AVL9: variants seen among roughly 807,000 people sequenced by gnomAD.
The protein encoded by AVL9 is AVL9 cell migration associated, also known as late secretory pathway protein AVL9 homolog.
In AVL9, 49 loss-of-function variants were observed where a neutral mutation model predicts 79.2. That is an observed-to-expected ratio of 0.62 (90% CI 0.49 to 0.79). The LOEUF is 0.79. Among genes scored for constraint, AVL9 ranks in the 30% least tolerant of loss-of-function variants. The pLI is 0.00. For missense variants in AVL9, 682 were observed against 776.8 expected (o/e 0.88, Z 1.45); for synonymous variants, 299 against 280.6 (o/e 1.07, Z -0.65).
intron 4 of AVL9, among the ~76,000 whole-genome samples, chr7:32,549,772 T>C (rs565161298): frequency 3.9e-4 from 58 of 150,164 alleles, no homozygotes; most frequent in African/African-American, 1.4e-3. Context: ...AAAAAAAAAT[T>C]AGCCAGGCAC....
At chr7:32,550,575 A>AT (rs1474290866) in intron 4 of AVL9, among the ~76,000 whole-genome samples, 1 of 152,192 alleles carries the variant, frequency 6.6e-6, no homozygotes, top group Non-Finnish European at 1.5e-5. Flanking sequence ...CTTGTTTTTA[A>AT]TTAATTAGAG....
At chr7:32,498,237 A>ATT (rs10547851) in intron 1 of AVL9, among the ~76,000 whole-genome samples, 3,282 of 89,750 alleles carry the variant, frequency 0.037, 190 homozygotes, top group East Asian at 0.14. Flanking sequence ...AAGTCCTCAG[A>ATT]TTTTTTTTTT....
At chr7:32,512,462 G>A (rs1016418239) in intron 1 of AVL9, among the ~76,000 whole-genome samples, 4 of 152,218 alleles carry the variant, frequency 2.6e-5, no homozygotes, top group Non-Finnish European at 5.9e-5. Flanking sequence ...CAAAGCAGGT[G>A]GGACTAGAAC....
In AVL9 at chr7:32,548,757, TTATA is replaced by T. The variant is rs1376283085; in HGVS notation, c.301-85_301-82del. ...AATTTAACTGAATGTAAGAAATTTC[TTATA>T]TATAATTTCTATTTTTATGTTGAAA... On this transcript the variant is annotated intron_variant, in intron 3 of 15. Transcript: ENST00000318709. 4 of 877,216 alleles carry T rather than the reference TTATA, an allele frequency of 4.6e-6. No homozygotes were observed. The East Asian group carries it at 8.9e-5, about 20-fold the overall frequency. The allele number at this position is 877,216 out of a possible 1,614,324, so 54.3% of individuals were successfully genotyped here. A position where few individuals can be genotyped will look rare whatever the true frequency, so the allele number is the denominator to read the frequency against.
At chr7:32,557,949 G>T (rs1335538271) in intron 8 of AVL9, among the ~76,000 whole-genome samples, 1 of 148,990 alleles carries the variant, frequency 6.7e-6, no homozygotes, top group African/African-American at 2.5e-5. Flanking sequence ...TCCACCTCCC[G>T]GGTTCAAGCA....
chr7:32,539,931 T>C (rs894775989), intron 1 of AVL9, among the ~76,000 whole-genome samples: 3 of 152,218 alleles, frequency 2.0e-5, no homozygotes, highest in Admixed American at 6.5e-5. Context: ...GCCTCTCTTA[T>C]AAGGACTCTG....
In AVL9 at chr7:32,558,918, G is replaced by T; in HGVS notation, c.680-11G>T. 1 of 1,554,188 alleles carries T rather than the reference G, an allele frequency of 6.4e-7. No homozygotes were observed. The highest frequency in any genetic ancestry group is 8.7e-7 in the Non-Finnish European group (1 of 1,154,344). ...ATAAGCCAAGCTGTTCTTTGATATT[G>T]CATATTTTAGGCATGATTGAACATG... On this transcript the variant is annotated splice_polypyrimidine_tract_variant and intron_variant, in intron 9 of 15. Transcript: ENST00000318709.
chr7:32,502,063 T>TTAAA (rs536880244), intron 1 of AVL9, among the ~76,000 whole-genome samples: 1 of 149,936 alleles, frequency 6.7e-6, no homozygotes, highest in Non-Finnish European at 1.5e-5. Context: ...ACATTTATGA[T>TTAAA]AAAAAAAAAA....
intron 1 of AVL9, among the ~76,000 whole-genome samples, chr7:32,505,036 G>A (rs188734655): frequency 2.0e-5 from 3 of 151,632 alleles, no homozygotes; most frequent in South Asian, 2.1e-4. Flanking sequence ...ACCATGCCCC[G>A]CTAATTTTTG....
intron 15 of AVL9, 177 bp downstream of exon 15, chr7:32,581,067 T>G: frequency 1.8e-6 from 1 of 550,386 alleles, no homozygotes; most frequent in Admixed American, 4.1e-5. Flanking sequence ...TTCCAAATGG[T>G]CAAACTCCAT....
intron 1 of AVL9, among the ~76,000 whole-genome samples, chr7:32,506,743 A>AT (rs1424229738): frequency 7.1e-6 from 1 of 141,060 alleles, no homozygotes. Context: ...CCCTGTCTCT[A>AT]TTTAAAAAAA....
intron 10 of AVL9, among the ~76,000 whole-genome samples, chr7:32,569,013 A>C (rs1304972064): frequency 6.6e-6 from 1 of 152,234 alleles, no homozygotes; most frequent in Non-Finnish European, 1.5e-5. Context: ...AGTATTTAAC[A>C]ACCACCTGTT....
Position 32,584,009 on chromosome 7 carries a change from A to G in AVL9, c.*102A>G. On this transcript the variant is annotated 3_prime_UTR_variant, in exon 16 of 16. Coordinates refer to ENST00000318709, the MANE Select transcript of AVL9 (RefSeq NM_015060.3). ...AGCCACAGATCCACAGCAGGGGACC[A>G]TATGTCGAACTGTTTACATGGATGT... 1 of 819,874 alleles carries G rather than the reference A, an allele frequency of 1.2e-6. No individual in the cohort carries two copies. The allele number at this position is 819,874 out of a possible 1,614,324, so 50.8% of individuals were successfully genotyped here.
chr7:32,509,103 C>G (rs920061569), intron 1 of AVL9, among the ~76,000 whole-genome samples: 10 of 152,174 alleles, frequency 6.6e-5, no homozygotes, highest in Middle Eastern at 3.2e-3. Flanking sequence ...TCTGGACATG[C>G]TGTGCCTTCC....
intron 3 of AVL9, among the ~76,000 whole-genome samples, chr7:32,547,193 G>A (rs1030747644): frequency 6.6e-6 from 1 of 152,196 alleles, no homozygotes; most frequent in Non-Finnish European, 1.5e-5. Context: ...AGGCCACAAT[G>A]CTCCTATAAA....
chr7:32,537,214 G>GTTT (rs1218135200), intron 1 of AVL9: 2 of 152,210 alleles, frequency 1.3e-5, no homozygotes, highest in East Asian at 3.9e-4. Flanking sequence ...ATAAACTCAA[G>GTTT]TATGATTGAT....
chr7:32,559,113 T>G lies in AVL9; in HGVS notation c.864T>G (p.Asp288Glu), dbSNP rs775861879. 1 of 1,614,028 alleles carries G rather than the reference T, an allele frequency of 6.2e-7. No individual in the cohort carries two copies. Among genetic ancestry groups the G allele is most frequent in the East Asian group, 2.2e-5 (1 of 44,878 alleles). Reference protein sequence around the residue: ...RKVMAGNHGEDAAMKTEEPLF... With the variant: ...RKVMAGNHGEEAAMKTEEPLF... The stretch of plus-strand genomic sequence containing the variant: ...TCATGGCAGGAAACCATGGAGAAGA[T>G]GCTGCCATGAAGACTGAGGAGCCTT... The change falls in exon 10 of 16, where the codon GAT becomes GAG. Residue 288 changes from aspartate (D) to glutamate (E), a missense_variant. Coordinates refer to ENST00000318709, the MANE Select transcript of AVL9 (RefSeq NM_015060.3).
chr7:32,545,344 C>T (rs1392969530), intron 3 of AVL9, among the ~76,000 whole-genome samples: 3 of 132,186 alleles, frequency 2.3e-5, no homozygotes, highest in Non-Finnish European at 3.2e-5. Context: ...CATAAGCTGT[C>T]CTATTTATCT....
intron 1 of AVL9, among the ~76,000 whole-genome samples, chr7:32,513,625 T>C (rs1270941936): frequency 6.6e-6 from 1 of 152,216 alleles, no homozygotes; most frequent in Non-Finnish European, 1.5e-5. Context: ...GGCCTGCCCC[T>C]CCACACCTGT....
Sources: gnomAD v4.1 joint callset for allele counts (sites outside exome capture counted in the v4.1 genomes callset) on GRCh38, gnomAD v4.1.1 for gene constraint, MANE v1.5 for transcripts, NCBI Gene and HGNC (gene_info 2026-07-23, HGNC 2026-07-21) for gene names.